Variants in KLHL32 observed in about 807,000 individuals in gnomAD.
KLHL32 encodes the protein kelch-like protein 32.
A neutral mutation model predicts 64.8 loss-of-function variants in KLHL32; 35 were observed. The observed-to-expected ratio is 0.54, with a 90% CI of 0.41 to 0.72. The LOEUF (loss-of-function observed/expected upper bound fraction) is 0.72, where lower values mean the gene tolerates loss of function less well. Among genes scored for constraint, KLHL32 ranks in the 30% least tolerant of loss-of-function variants. The pLI is 0.00. For synonymous variants in KLHL32, 259 were observed against 281.0 expected, an observed-to-expected ratio of 0.92 and a Z score of 0.78; for missense variants, 589 against 768.5, an observed-to-expected ratio of 0.77 and a Z score of 2.76.
At chr6:97,051,160 A>T (rs1786838946) in intron 4 of KLHL32, among the ~76,000 whole-genome samples, 1 of 152,192 alleles carries the variant, frequency 6.6e-6, no homozygotes, top group African/African-American at 2.4e-5. Flanking sequence ...TAACACTGTG[A>T]GGGTCTCCAG....
At chr6:96,915,531 C>G in the KLHL32 span, among the ~76,000 whole-genome samples, 1 of 152,096 alleles carries the variant, frequency 6.6e-6, no homozygotes, top group Non-Finnish European at 1.5e-5. Flanking sequence ...AACTTAGAAG[C>G]AGCTCTGAGT....
intron 5 of KLHL32, among the ~76,000 whole-genome samples, chr6:97,078,048 C>A (rs890801573): frequency 9.9e-5 from 15 of 152,146 alleles, no homozygotes; most frequent in Non-Finnish European, 1.3e-4. Context: ...CTTACCGTAT[C>A]CTACTTGCTA....
chr6:96,946,951 GT>G (rs60756737), intron 1 of KLHL32, among the ~76,000 whole-genome samples: 2,171 of 149,858 alleles, frequency 0.014, 45 homozygotes, highest in African/African-American at 0.051. Context: ...CTTATTAACA[GT>G]GGGCACATAT....
chr6:97,071,904 T>C (rs1016077744), intron 5 of KLHL32, among the ~76,000 whole-genome samples: 4 of 152,212 alleles, frequency 2.6e-5, no homozygotes, highest in African/African-American at 9.7e-5. Context: ...AAGTTATTTG[T>C]CTGGTCCACA....
In KLHL32 at chr6:97,130,876, C is replaced by A; in HGVS notation, c.1533C>A (p.Ile511=). The stretch of plus-strand genomic sequence containing the variant: ...ACCTAGACTACAATAATGACCGGAT[C>A]CTTGTGCGCCATATAGATTCTTACA... ...GNDLDYNNDR[I]LVRHIDSYNI... is the part of the protein sequence containing the mutation. Residue 511 remains isoleucine (I), a synonymous_variant, in exon 9 of 11, where the codon ATC becomes ATA. Coordinates refer to ENST00000369261, the MANE Select transcript of KLHL32 (RefSeq NM_052904.4). The A allele has an allele frequency of 6.2e-7, 1 of 1,614,078 alleles. No homozygotes were observed. The highest frequency in any genetic ancestry group is 8.5e-7 in the Non-Finnish European group (1 of 1,179,974).
chr6:97,058,609 A>G (rs756096560), intron 4 of KLHL32, among the ~76,000 whole-genome samples: 31 of 152,228 alleles, frequency 2.0e-4, no homozygotes, highest in Admixed American at 4.6e-4. Flanking sequence ...CACCCAGCCA[A>G]TGAGATGTAA....
At chr6:96,932,083 A>T (rs766212209) in intron 1 of KLHL32, among the ~76,000 whole-genome samples, 12 of 151,750 alleles carry the variant, frequency 7.9e-5, no homozygotes, top group Admixed American at 2.6e-4. Context: ...ACTTTCTCTT[A>T]AAAAAAATAC....
At chr6:96,901,955 T>C in the KLHL32 span, among the ~76,000 whole-genome samples, 1 of 152,254 alleles carries the variant, frequency 6.6e-6, no homozygotes, top group Non-Finnish European at 1.5e-5. Flanking sequence ...ATGGTGTATA[T>C]GTACCACATT....
intron 6 of KLHL32, among the ~76,000 whole-genome samples, chr6:97,107,630 C>T (rs1303688417): frequency 5.3e-5 from 8 of 152,102 alleles, no homozygotes; most frequent in African/African-American, 2.4e-5. Context: ...GTGGCCAACA[C>T]CAAACATGTG....
chr6:96,933,054 A>T (rs1462136160), intron 1 of KLHL32, among the ~76,000 whole-genome samples: 2 of 152,194 alleles, frequency 1.3e-5, no homozygotes, highest in Non-Finnish European at 2.9e-5. Context: ...CCAGCACATC[A>T]TTTTCCTAGT....
intron 6 of KLHL32, among the ~76,000 whole-genome samples, chr6:97,094,155 A>G (rs1794643543): frequency 6.6e-6 from 1 of 152,216 alleles, no homozygotes; most frequent in African/African-American, 2.4e-5. Flanking sequence ...TCCAACACAA[A>G]TGACCCTGTG....
chr6:97,004,743 T>C (rs985997843), intron 3 of KLHL32, among the ~76,000 whole-genome samples: 1 of 152,178 alleles, frequency 6.6e-6, no homozygotes, highest in African/African-American at 2.4e-5. Context: ...CATAAGGTTT[T>C]GGTTTTAGTT....
In KLHL32 at chr6:97,139,294, A is replaced by G; in HGVS notation, c.*12A>G. The G allele has an allele frequency of 1.2e-6, 2 of 1,609,828 alleles. No individual in the cohort carries two copies. Among genetic ancestry groups the G allele is most frequent in the Non-Finnish European group, 1.7e-6 (2 of 1,177,346 alleles). ...TTGGCACCATCTGAAAAGCCAAGCC[A>G]TCATGAACAGGAGGAAAACATAGCT... On this transcript the variant is annotated 3_prime_UTR_variant, in exon 11 of 11. Transcript: ENST00000369261.
intron 1 of KLHL32, among the ~76,000 whole-genome samples, chr6:96,943,478 C>T (rs1008683160): frequency 3.9e-5 from 6 of 152,150 alleles, no homozygotes; most frequent in Non-Finnish European, 7.3e-5. Flanking sequence ...TGCTGACCCC[C>T]AATGTTGGAT....
chr6:96,915,521 A>G, the KLHL32 span, among the ~76,000 whole-genome samples: 3 of 152,160 alleles, frequency 2.0e-5, no homozygotes, highest in South Asian at 6.2e-4. Context: ...TTCCCTCCTC[A>G]ACTTAGAAGC....
At position 97,074,925 on chromosome 6, in the gene KLHL32, G is replaced by A. The variant is rs528452709; in HGVS notation, c.411+10199G>A. ...CCATATTCATTGGCAATCTCCTTACGTGCTGAGTCAGGTTTAGTGAACTTT... is the reference window on the plus strand; with the variant it reads ...CCATATTCATTGGCAATCTCCTTACATGCTGAGTCAGGTTTAGTGAACTTT... On this transcript the variant is annotated intron_variant, in intron 5 of 10. Coordinates refer to ENST00000369261, the MANE Select transcript of KLHL32 (RefSeq NM_052904.4). Among the ~76,000 whole-genome samples the A allele has an allele frequency of 1.2e-4, 18 of 151,540 alleles. No individual in the cohort carries two copies. In the East Asian group the frequency reaches 2.1e-3, roughly 18 times the overall value.
Position 96,998,120 on chromosome 6 carries a change from T to C in KLHL32, c.204+21943T>C, listed in dbSNP as rs536689017. On this transcript the variant is annotated intron_variant, in intron 3 of 10. Transcript: ENST00000369261. ...TGCTCCTCAACCTCCATTGAGTCTG[T>C]AAACCTCCAGTATACTTCCAGTAAA... Among the ~76,000 whole-genome samples the C allele has an allele frequency of 8.5e-5, 13 of 152,352 alleles. No homozygotes were observed. In the South Asian group the frequency reaches 2.5e-3, roughly 29 times the overall value.
At chr6:96,900,016 T>C in the KLHL32 span, among the ~76,000 whole-genome samples, 6 of 152,276 alleles carry the variant, frequency 3.9e-5, no homozygotes, top group East Asian at 3.9e-4. Context: ...ATTGAACAGC[T>C]AGTACACAGT....
intron 1 of KLHL32, among the ~76,000 whole-genome samples, chr6:96,933,288 G>C (rs939704595): frequency 1.3e-5 from 2 of 152,138 alleles, no homozygotes; most frequent in Non-Finnish European, 2.9e-5. Context: ...TTGGAATTCT[G>C]CTTCCTCTAC....
Sources: allele counts gnomAD v4.1 joint callset (sites outside exome capture counted in the v4.1 genomes callset), GRCh38; gene constraint gnomAD v4.1.1; transcripts MANE v1.5; gene names NCBI Gene and HGNC (gene_info 2026-07-23, HGNC 2026-07-21).